Variants in RASGEF1A observed in about 807,000 individuals in gnomAD.
The protein encoded by RASGEF1A is ras-GEF domain-containing family member 1A.
Under a neutral mutation model 56.4 loss-of-function variants are expected in RASGEF1A, and 18 were observed. The observed-to-expected ratio is 0.32, with a 90% CI of 0.22 to 0.47. The LOEUF (loss-of-function observed/expected upper bound fraction) is 0.47, where lower values mean the gene tolerates loss of function less well. Ranked by LOEUF, RASGEF1A falls within the 20% of genes least tolerant of loss-of-function variation. The pLI, the probability that RASGEF1A is intolerant of heterozygous loss-of-function variation, is 1.00. For missense variants in RASGEF1A, 422 were observed against 627.1 expected, an observed-to-expected ratio of 0.67 and a Z score of 3.49; for synonymous variants, 245 against 242.6, an observed-to-expected ratio of 1.01 and a Z score of -0.09.
chr10:43,226,299 G>A (rs544664536), intron 1 of RASGEF1A, among the ~76,000 whole-genome samples: 2 of 152,298 alleles, frequency 1.3e-5, no homozygotes, highest in South Asian at 2.1e-4. Context: ...AAATTAGCCA[G>A]GCATGGTGGC....
intron 10 of RASGEF1A, 41 bp downstream of exon 10, chr10:43,197,959 TCAGA>T (rs775324752): frequency 3.9e-6 from 6 of 1,525,090 alleles, no homozygotes; most frequent in Admixed American, 1.8e-5. Flanking sequence ...CTCCAGTAGC[TCAGA>T]CAGTTTCCGC....
intron 1 of RASGEF1A, among the ~76,000 whole-genome samples, chr10:43,230,740 C>A (rs1840355574): frequency 6.6e-6 from 1 of 152,212 alleles, no homozygotes; most frequent in African/African-American, 2.4e-5. Flanking sequence ...CATACCCTCA[C>A]CCCACCTCCA....
chr10:43,229,665 G>T, intron 1 of RASGEF1A: 1 of 1,490,446 alleles, frequency 6.7e-7, no homozygotes, highest in South Asian at 1.3e-5. Flanking sequence ...TCTGGCCGCC[G>T]GCTCCCCGCG....
chr10:43,217,158 T>C (rs909118752), intron 1 of RASGEF1A, among the ~76,000 whole-genome samples: 1 of 152,044 alleles, frequency 6.6e-6, no homozygotes, highest in African/African-American at 2.4e-5. Context: ...CAGAAGACAA[T>C]GGGGCCACTG....
intron 1 of RASGEF1A, among the ~76,000 whole-genome samples, chr10:43,212,393 G>A (rs1840080994): frequency 6.6e-6 from 1 of 152,200 alleles, no homozygotes; most frequent in African/African-American, 2.4e-5. Context: ...TAGAGGAGGG[G>A]CTGTCATCTG....
At chr10:43,236,802 G>C (rs541288943) in intron 1 of RASGEF1A, among the ~76,000 whole-genome samples, 43 of 152,308 alleles carry the variant, frequency 2.8e-4, no homozygotes, top group African/African-American at 8.7e-4. Context: ...CCCTTCACAG[G>C]CTCCTGGAGA....
intron 1 of RASGEF1A, among the ~76,000 whole-genome samples, chr10:43,233,670 G>A (rs907133288): frequency 2.1e-4 from 32 of 152,144 alleles, no homozygotes; most frequent in Admixed American, 7.9e-4. Flanking sequence ...CTGGCGGCGC[G>A]GCAGGGTCAG....
intron 1 of RASGEF1A, among the ~76,000 whole-genome samples, chr10:43,234,763 G>GCCAATT (rs1317915886): frequency 6.6e-6 from 1 of 152,242 alleles, no homozygotes; most frequent in Non-Finnish European, 1.5e-5. Flanking sequence ...GGCCCGAGAT[G>GCCAATT]CCAATTCACA....
At position 43,257,582 on chromosome 10, in the gene RASGEF1A, G is replaced by A. The variant is rs572229147; in HGVS notation, c.-7+9263C>T. Among the ~76,000 whole-genome samples the A allele has an allele frequency of 8.5e-5, 13 of 152,294 alleles. No homozygotes were observed. In the South Asian group the frequency reaches 1.7e-3, roughly 19 times the overall value. Reference sequence around the variant, plus strand: ...GAGGGTGGGGATGTTCTCAGACCCCGTAGTGCCCTGCGCTTCCCCCGGGCC... The same window carrying A: ...GAGGGTGGGGATGTTCTCAGACCCCATAGTGCCCTGCGCTTCCCCCGGGCC... On this transcript the variant is annotated intron_variant, in intron 1 of 12. Coordinates refer to ENST00000395810, the MANE Select transcript of RASGEF1A (RefSeq NM_145313.4).
Position 43,238,194 on chromosome 10 carries a change from T to C in RASGEF1A, c.-7+28651A>G, listed in dbSNP as rs1239833439. Among the ~76,000 whole-genome samples the C allele has an allele frequency of 2.0e-5, 3 of 151,250 alleles. No individual in the cohort carries two copies. The East Asian group carries it at 5.8e-4, about 29-fold the overall frequency. On this transcript the variant is annotated intron_variant, in intron 1 of 12. Coordinates refer to ENST00000395810, the MANE Select transcript of RASGEF1A (RefSeq NM_145313.4). ...CTCAGGAGGGTTAGCCATGTCGACT[T>C]AAAGGGGTCTTCAGGGGAGTTAGCC...
rs1338588492 is a variant in RASGEF1A at position 43,196,854 on chromosome 10, C to A, written c.1348+122G>T. 1 of 1,255,000 alleles carries A rather than the reference C, an allele frequency of 8.0e-7. No homozygotes were observed. Among genetic ancestry groups the A allele is most frequent in the Non-Finnish European group, 1.1e-6 (1 of 901,846 alleles). 77.7% of individuals were successfully genotyped at this position (1,255,000 alleles called of 1,614,324 possible). On this transcript the variant is annotated intron_variant, in intron 11 of 12. Transcript: ENST00000395810. This position sits in a 1 kb window ranked among gnomAD's most constrained non-coding sequence, Gnocchi z 4.6. The stretch of plus-strand genomic sequence containing the variant: ...TGCACACTCGCCCCTGCGAGCAGAG[C>A]CAGCCCTGTGTGGCATGGAGCAGCC...
At position 43,228,610 on chromosome 10, in the gene RASGEF1A, G is replaced by A. The variant is rs560908324; in HGVS notation, c.-6-22488C>T. 4.1e-3 allele frequency among the ~76,000 whole-genome samples: 627 copies of A among 152,354 alleles called. 13 individuals are homozygous for A. Among genetic ancestry groups the A allele is most frequent in the Non-Finnish European group, 1.9e-3 (129 of 68,036 alleles). ...GAAACTGCACCATGTTGTGAGCTGA[G>A]GGACTTGGGGGCTGCTCTATCGCTG... On this transcript the variant is annotated intron_variant, in intron 1 of 12. Transcript: ENST00000395810.
chr10:43,234,350 C>T (rs1426206165), intron 1 of RASGEF1A, among the ~76,000 whole-genome samples: 1 of 152,108 alleles, frequency 6.6e-6, no homozygotes, highest in Non-Finnish European at 1.5e-5. Flanking sequence ...CTCCGCTCAT[C>T]CCCCCAAGAA....
chr10:43,208,205 G>A, intron 1 of RASGEF1A: 1 of 985,444 alleles, frequency 1.0e-6, no homozygotes, highest in East Asian at 1.1e-4. Flanking sequence ...TGGTCAGTTG[G>A]GCCTCCTCAC....
Position 43,207,400 on chromosome 10 carries a change from A to G in RASGEF1A, c.-6-1278T>C, listed in dbSNP as rs1840011601. 3 of 712,914 alleles carry G rather than the reference A, an allele frequency of 4.2e-6. No homozygotes were observed. The South Asian group carries it at 2.5e-4, about 61-fold the overall frequency. The allele number at this position is 712,914 out of a possible 1,614,324, so 44.2% of individuals were successfully genotyped here. A position where few individuals can be genotyped will look rare whatever the true frequency, so the allele number is the denominator to read the frequency against. ...CCACACCCCCCACGTCAACACACACACACACACACACACACACACACACAC... is the reference window on the plus strand; with the variant it reads ...CCACACCCCCCACGTCAACACACACGCACACACACACACACACACACACAC... On this transcript the variant is annotated intron_variant, in intron 1 of 12. Coordinates refer to ENST00000395810, the MANE Select transcript of RASGEF1A (RefSeq NM_145313.4).
intron 1 of RASGEF1A, among the ~76,000 whole-genome samples, chr10:43,234,280 AG>A (rs1223816083): frequency 6.6e-6 from 1 of 152,204 alleles, no homozygotes; most frequent in Non-Finnish European, 1.5e-5. Flanking sequence ...GGGCCTATCT[AG>A]GTCTGCTGTG....
At chr10:43,251,091 G>A (rs145690434) in intron 1 of RASGEF1A, among the ~76,000 whole-genome samples, 6 of 152,346 alleles carry the variant, frequency 3.9e-5, no homozygotes, top group African/African-American at 1.2e-4. Context: ...GATGGAGGCC[G>A]GGAAGGTGCC....
intron 1 of RASGEF1A, among the ~76,000 whole-genome samples, chr10:43,228,135 C>G (rs1181887946): frequency 1.3e-5 from 2 of 152,194 alleles, no homozygotes; most frequent in East Asian, 3.9e-4. Flanking sequence ...CCTCACTGTC[C>G]CACCTCCTCT....
intron 1 of RASGEF1A, among the ~76,000 whole-genome samples, chr10:43,244,478 C>T (rs1840548718): frequency 6.6e-6 from 1 of 151,078 alleles, no homozygotes; most frequent in Non-Finnish European, 1.5e-5. Context: ...GAACACTCCA[C>T]TTAACAACAA....
Sources: gnomAD v4.1 joint callset for allele counts (sites outside exome capture counted in the v4.1 genomes callset) on GRCh38, gnomAD v4.1.1 for gene constraint, Gnocchi (gnomAD v3.1) non-coding constraint, MANE v1.5 for transcripts, NCBI Gene and HGNC (gene_info 2026-07-23, HGNC 2026-07-21) for gene names.